VWA3B: variants seen among roughly 807,000 people sequenced by gnomAD.
VWA3B encodes the protein von Willebrand factor A domain-containing protein 3B.
VWA3B carries 138 observed loss-of-function variants against 158.3 expected under a neutral mutation model. The observed-to-expected ratio is 0.87, with a 90% CI of 0.76 to 1.00. VWA3B has a LOEUF of 1.00. VWA3B is among the 50% of genes least tolerant of loss of function. The pLI, the probability that VWA3B is intolerant of heterozygous loss-of-function variation, is 0.00. For missense variants in VWA3B, 1,555 were observed against 1,565.1 expected, an observed-to-expected ratio of 0.99 and a Z score of 0.11; for synonymous variants, 596 against 587.3, an observed-to-expected ratio of 1.01 and a Z score of -0.21.
At chr2:98,290,804 G>T in intron 23 of VWA3B, 182 bp downstream of exon 23, 2 of 501,136 alleles carry the variant, frequency 4.0e-6, no homozygotes, top group Non-Finnish European at 7.1e-6. Flanking sequence ...GCGTATTTGG[G>T]CCCCCCAAAA....
intron 8 of VWA3B, among the ~76,000 whole-genome samples, chr2:98,165,086 A>G (rs906593021): frequency 1.3e-5 from 2 of 152,168 alleles, no homozygotes; most frequent in Non-Finnish European, 2.9e-5. Flanking sequence ...CCCTTTCACA[A>G]TTAGGGGAGT....
chr2:98,139,093 C>T (rs1676516550), intron 7 of VWA3B, among the ~76,000 whole-genome samples: 1 of 152,196 alleles, frequency 6.6e-6, no homozygotes, highest in African/African-American at 2.4e-5. Context: ...GCCCCGCACT[C>T]GGAGCAGCCG....
chr2:98,207,658 C>T (rs558430653), intron 12 of VWA3B: 81 of 451,852 alleles, frequency 1.8e-4, no homozygotes, highest in African/African-American at 3.0e-4. Flanking sequence ...TCTCTCAGAA[C>T]GGGCCTTCAG....
At chr2:98,108,070 C>T (rs1180118247) in intron 2 of VWA3B, among the ~76,000 whole-genome samples, 1 of 151,856 alleles carries the variant, frequency 6.6e-6, no homozygotes, top group Non-Finnish European at 1.5e-5. Flanking sequence ...TTATTATTTC[C>T]ACTTAATTAA....
intron 8 of VWA3B, chr2:98,179,300 C>T (rs961075299): frequency 2.1e-6 from 1 of 471,060 alleles, no homozygotes; most frequent in African/African-American, 2.0e-5. Flanking sequence ...GTGTGATATG[C>T]TGGCTTGTCC....
At chr2:98,311,755 T>C in intron 26 of VWA3B, 64 bp from the exon 27 acceptor site, 1 of 1,465,778 alleles carries the variant, frequency 6.8e-7, no homozygotes, top group Middle Eastern at 1.9e-4. Context: ...GGGGATGGCT[T>C]GGACATCTCT....
At chr2:98,265,575 G>A (rs1035150574) in intron 21 of VWA3B, among the ~76,000 whole-genome samples, 3 of 150,756 alleles carry the variant, frequency 2.0e-5, no homozygotes, top group South Asian at 2.1e-4. Context: ...GGGATGGCTG[G>A]GTCAAATGGT....
intron 12 of VWA3B, among the ~76,000 whole-genome samples, chr2:98,197,314 C>A (rs939516369): frequency 6.6e-6 from 1 of 152,178 alleles, no homozygotes; most frequent in African/African-American, 2.4e-5. Flanking sequence ...GCTCTATGAC[C>A]AGCAGTGTTT....
chr2:98,224,764 AAAG>A (rs1465126751), intron 14 of VWA3B, among the ~76,000 whole-genome samples: 3 of 151,804 alleles, frequency 2.0e-5, no homozygotes, highest in South Asian at 2.1e-4. Flanking sequence ...AAAAAAAAAA[AAAG>A]AACACAACCA....
intron 22 of VWA3B, among the ~76,000 whole-genome samples, chr2:98,272,325 A>G (rs905583029): frequency 6.6e-6 from 1 of 152,244 alleles, no homozygotes; most frequent in African/African-American, 2.4e-5. Context: ...AGGATATTAC[A>G]AAGGATACAG....
chr2:98,116,175 C>T (rs1008770664), intron 3 of VWA3B, among the ~76,000 whole-genome samples: 2 of 152,340 alleles, frequency 1.3e-5, no homozygotes, highest in African/African-American at 4.8e-5. Flanking sequence ...CTGAGTCTCA[C>T]GTCTCCTACA....
chr2:98,181,615 T>A (rs1680586387), intron 9 of VWA3B, among the ~76,000 whole-genome samples: 2 of 152,220 alleles, frequency 1.3e-5, no homozygotes, highest in African/African-American at 4.8e-5. Flanking sequence ...TCCCTCATTA[T>A]TCCAGTGACT....
intron 9 of VWA3B, among the ~76,000 whole-genome samples, chr2:98,187,701 T>A (rs984556583): frequency 2.8e-5 from 4 of 141,002 alleles, no homozygotes; most frequent in African/African-American, 7.5e-5. Flanking sequence ...TGTGTGTGTG[T>A]GTCGGTTGGG....
intron 21 of VWA3B, among the ~76,000 whole-genome samples, chr2:98,262,334 G>A (rs944966119): frequency 1.3e-5 from 2 of 151,770 alleles, no homozygotes; most frequent in Non-Finnish European, 2.9e-5. Context: ...TACACTTTTG[G>A]TGTCATATCC....
chr2:98,128,090 T>C, intron 5 of VWA3B, 149 bp from the exon 6 acceptor site: 1 of 894,028 alleles, frequency 1.1e-6, no homozygotes, highest in Non-Finnish European at 1.7e-6. Flanking sequence ...TGACTGGCCC[T>C]GATGTCCTCA....
intron 7 of VWA3B, among the ~76,000 whole-genome samples, chr2:98,141,731 G>A (rs1676791736): frequency 6.6e-6 from 1 of 152,044 alleles, no homozygotes; most frequent in Non-Finnish European, 1.5e-5. Context: ...ACCTGACCAG[G>A]GCTTAAAAGT....
At chr2:98,175,265 C>T (rs370261942) in intron 8 of VWA3B, among the ~76,000 whole-genome samples, 4 of 151,782 alleles carry the variant, frequency 2.6e-5, no homozygotes, top group Non-Finnish European at 4.4e-5. Context: ...ATTAAATAAG[C>T]GATTTTAAAT....
chr2:98,128,514 G>C (rs1173593747), intron 6 of VWA3B, 106 bp downstream of exon 6: 6 of 1,144,296 alleles, frequency 5.2e-6, no homozygotes, highest in Middle Eastern at 3.0e-4. Context: ...CTGTTGCTGT[G>C]TTCTCCTCTT....
the VWA3B span, among the ~76,000 whole-genome samples, chr2:98,318,373 T>C: frequency 2.1e-4 from 32 of 152,296 alleles, no homozygotes; most frequent in Non-Finnish European, 2.1e-4. Flanking sequence ...ATATACACCA[T>C]GGAATACTAT....
Sources: allele counts gnomAD v4.1 joint callset (sites outside exome capture counted in the v4.1 genomes callset), GRCh38; gene constraint gnomAD v4.1.1; transcripts MANE v1.5; gene names NCBI Gene and HGNC (gene_info 2026-07-23, HGNC 2026-07-21).